EPHA6: variants seen among roughly 807,000 people sequenced by gnomAD.
The protein encoded by EPHA6 is EPH receptor A6.
In EPHA6, 50 loss-of-function variants were observed where a neutral mutation model predicts 112.0. That is an observed-to-expected ratio of 0.45 (90% CI 0.36 to 0.56). The LOEUF is 0.56. EPHA6 is among the 20% of genes least tolerant of loss of function. The pLI is 0.00. For synonymous variants in EPHA6, 529 were observed against 490.7 expected, an observed-to-expected ratio of 1.08 and a Z score of -1.03; for missense variants, 1,280 against 1,417.4, an observed-to-expected ratio of 0.90 and a Z score of 1.56.
At chr3:97,068,853 G>A (rs1490520592) in intron 3 of EPHA6, among the ~76,000 whole-genome samples, 1 of 152,122 alleles carries the variant, frequency 6.6e-6, no homozygotes, top group Non-Finnish European at 1.5e-5. Context: ...ACCTGGAAAA[G>A]GACCCTCACC....
At chr3:97,519,231 A>T (rs2092497554) in intron 10 of EPHA6, among the ~76,000 whole-genome samples, 1 of 152,132 alleles carries the variant, frequency 6.6e-6, no homozygotes, top group South Asian at 2.1e-4. Context: ...CGATTTTTAC[A>T]GCCTTGTTTA....
intron 3 of EPHA6, among the ~76,000 whole-genome samples, chr3:97,110,542 A>G (rs558624930): frequency 2.0e-4 from 31 of 152,050 alleles, no homozygotes; most frequent in Non-Finnish European, 3.7e-4. Context: ...TTATTTATTT[A>G]GAGACAGAGT....
chr3:96,918,880 G>T (rs2039617561), intron 2 of EPHA6, among the ~76,000 whole-genome samples: 1 of 151,822 alleles, frequency 6.6e-6, no homozygotes, highest in Non-Finnish European at 1.5e-5. Context: ...TAACCTACTA[G>T]AAAAATGTTT....
At chr3:97,489,001 T>C (rs2091767536) in intron 10 of EPHA6, among the ~76,000 whole-genome samples, 1 of 152,230 alleles carries the variant, frequency 6.6e-6, no homozygotes, top group African/African-American at 2.4e-5. Context: ...CAGATATGAA[T>C]CACAGCTTTG....
At chr3:97,101,176 A>G (rs2047392535) in intron 3 of EPHA6, among the ~76,000 whole-genome samples, 1 of 152,082 alleles carries the variant, frequency 6.6e-6, no homozygotes, top group Admixed American at 6.6e-5. Context: ...TATTTAATAC[A>G]GGAATAGGGA....
At chr3:97,163,118 A>C (rs552641149) in intron 3 of EPHA6, among the ~76,000 whole-genome samples, 1 of 152,254 alleles carries the variant, frequency 6.6e-6, no homozygotes, top group East Asian at 1.9e-4. Context: ...TTACTTTTCA[A>C]ATTATTTATG....
intron 7 of EPHA6, among the ~76,000 whole-genome samples, chr3:97,461,798 C>G (rs1024564821): frequency 6.6e-6 from 1 of 152,058 alleles, no homozygotes; most frequent in African/African-American, 2.4e-5. Context: ...ATGTTGACCT[C>G]CCAGGGCTTA....
intron 4 of EPHA6, among the ~76,000 whole-genome samples, chr3:97,241,102 G>A (rs895824736): frequency 1.3e-5 from 2 of 151,182 alleles, no homozygotes; most frequent in Non-Finnish European, 3.0e-5. Context: ...AGTTTTACTG[G>A]TAGAGCACTG....
intron 14 of EPHA6, among the ~76,000 whole-genome samples, chr3:97,690,987 G>C (rs2032627319): frequency 6.6e-6 from 1 of 152,016 alleles, no homozygotes; most frequent in African/African-American, 2.4e-5. Flanking sequence ...TGTGCTTTTG[G>C]TGTTGTGTCT....
chr3:97,162,867 C>T (rs1485849619), intron 3 of EPHA6, among the ~76,000 whole-genome samples: 1 of 152,108 alleles, frequency 6.6e-6, no homozygotes, highest in African/African-American at 2.4e-5. Flanking sequence ...CTTTTAGAAA[C>T]ACTATCAACT....
intron 2 of EPHA6, among the ~76,000 whole-genome samples, chr3:96,945,869 G>T (rs760988818): frequency 3.9e-5 from 6 of 152,038 alleles, no homozygotes; most frequent in Non-Finnish European, 8.8e-5. Flanking sequence ...TTTACATTAG[G>T]ATTCACACTT....
At chr3:97,420,142 C>T (rs899760382) in intron 6 of EPHA6, among the ~76,000 whole-genome samples, 9 of 152,158 alleles carry the variant, frequency 5.9e-5, no homozygotes, top group Non-Finnish European at 1.3e-4. Context: ...TATTCATTCA[C>T]TGCATGTGAT....
intron 5 of EPHA6, among the ~76,000 whole-genome samples, chr3:97,400,075 T>C (rs1000479818): frequency 6.6e-6 from 1 of 151,748 alleles, no homozygotes; most frequent in African/African-American, 2.4e-5. Flanking sequence ...TATTTTTGAG[T>C]CTTAACATTT....
At chr3:96,995,106 T>C (rs1020968415) in intron 3 of EPHA6, among the ~76,000 whole-genome samples, 3 of 152,180 alleles carry the variant, frequency 2.0e-5, no homozygotes, top group Middle Eastern at 3.4e-3. Flanking sequence ...GACATTGTAT[T>C]GATTTGATCT....
At chr3:96,873,043 G>A (rs1177437515) in intron 2 of EPHA6, among the ~76,000 whole-genome samples, 2 of 151,940 alleles carry the variant, frequency 1.3e-5, no homozygotes, top group Non-Finnish European at 2.9e-5. Context: ...CGAGGTGGGT[G>A]GATCACCTGA....
intron 11 of EPHA6, among the ~76,000 whole-genome samples, chr3:97,552,823 G>T (rs574207757): frequency 7.2e-4 from 110 of 152,202 alleles, no homozygotes; most frequent in South Asian, 1.5e-3. Flanking sequence ...CTCTGATTTT[G>T]TAAAGTAATA....
intron 1 of EPHA6, among the ~76,000 whole-genome samples, chr3:96,830,107 T>G (rs1345554669): frequency 1.3e-5 from 2 of 152,140 alleles, no homozygotes; most frequent in Non-Finnish European, 2.9e-5. Context: ...AAATTTAAAG[T>G]ATGTGTACAT....
At chr3:97,152,954 G>T (rs2076204098) in intron 3 of EPHA6, among the ~76,000 whole-genome samples, 1 of 151,966 alleles carries the variant, frequency 6.6e-6, no homozygotes, top group African/African-American at 2.4e-5. Flanking sequence ...TTTCCTGGTG[G>T]CTTTAGAGTT....
chr3:97,152,823 A>G (rs1170894707), intron 3 of EPHA6, among the ~76,000 whole-genome samples: 1 of 152,108 alleles, frequency 6.6e-6, no homozygotes, highest in African/African-American at 2.4e-5. Context: ...AAAGACAGGG[A>G]ATTCTAGGAT....
Sources: gnomAD v4.1 joint callset for allele counts (sites outside exome capture counted in the v4.1 genomes callset) on GRCh38, gnomAD v4.1.1 for gene constraint, MANE v1.5 for transcripts, NCBI Gene and HGNC (gene_info 2026-07-23, HGNC 2026-07-21) for gene names.